The following MYL4 variants were observed in gnomAD, a reference collection of about 807,000 sequenced individuals.
MYL4 encodes myosin light chain 4, also known as atrial myosin light chain 1.
In MYL4, 16 loss-of-function variants were observed where a neutral mutation model predicts 21.6. The observed-to-expected ratio is 0.74, with a 90% CI of 0.50 to 1.12. The LOEUF (loss-of-function observed/expected upper bound fraction) is 1.12, where lower values mean the gene tolerates loss of function less well. Among genes scored for constraint, MYL4 ranks in the 50% most tolerant of loss-of-function variants. The pLI, the probability that MYL4 is intolerant of heterozygous loss-of-function variation, is 0.00. For missense variants in MYL4, 249 were observed against 252.9 expected (o/e 0.98, Z 0.11); for synonymous variants, 82 against 95.7 (o/e 0.86, Z 0.83).
intron 2 of MYL4, among the ~76,000 whole-genome samples, chr17:47,217,537 G>A (rs940497606): frequency 6.6e-6 from 1 of 152,032 alleles, no homozygotes; most frequent in African/African-American, 2.4e-5. Flanking sequence ...GGAAACCAAA[G>A]TTCAGCAAAG....
upstream of MYL4, among the ~76,000 whole-genome samples, chr17:47,199,334 A>C (rs116541230): frequency 3.5e-3 from 532 of 151,976 alleles, 2 homozygotes; most frequent in African/African-American, 0.012. Context: ...AAAACAAATA[A>C]ACAAACAAGG....
chr17:47,203,685 T>A (rs1210131626), intron 1 of MYL4, among the ~76,000 whole-genome samples: 3 of 152,202 alleles, frequency 2.0e-5, no homozygotes, highest in Admixed American at 2.0e-4. Flanking sequence ...TGTAATCAAG[T>A]AAGTTGTATC....
upstream of MYL4, among the ~76,000 whole-genome samples, chr17:47,195,853 A>G (rs1052082289): frequency 1.3e-5 from 2 of 152,142 alleles, no homozygotes; most frequent in Non-Finnish European, 2.9e-5. Flanking sequence ...GTAATTAATT[A>G]TCTGTTTAAT....
At chr17:47,208,438 AAAACAAAC>A (rs200665480), upstream of MYL4, among the ~76,000 whole-genome samples, 4 of 152,084 alleles carry the variant, frequency 2.6e-5, no homozygotes, top group East Asian at 1.9e-4. Context: ...TGTTTCTGTT[AAAACAAAC>A]AAACAAACAA....
chr17:47,223,984 G>A (rs1281756543), downstream of MYL4, among the ~76,000 whole-genome samples: 1 of 151,966 alleles, frequency 6.6e-6, no homozygotes, highest in Admixed American at 6.5e-5. Context: ...AGGCAGAGAG[G>A]GGCCAGGCTG....
At chr17:47,207,592 T>TAA (rs2064736373), upstream of MYL4, among the ~76,000 whole-genome samples, 1 of 152,202 alleles carries the variant, frequency 6.6e-6, no homozygotes, top group African/African-American at 2.4e-5. Context: ...AATCTTGCTT[T>TAA]ACAGGTGAGG....
rs2064865242 is a variant in MYL4, at chr17:47,222,599, C to T, written c.565+142C>T. The T allele has an allele frequency of 4.7e-5, 33 of 707,524 alleles. No individual in the cohort carries two copies. The South Asian group carries it at 5.8e-4, about 12-fold the overall frequency. The allele number at this position is 707,524 out of a possible 1,614,324, so 43.8% of individuals were successfully genotyped here. A position where few individuals can be genotyped will look rare whatever the true frequency, so the allele number is the denominator to read the frequency against. On this transcript the variant is annotated intron_variant, in intron 5 of 6. Coordinates refer to ENST00000393450, the MANE Select transcript of MYL4 (RefSeq NM_002476.2). ...CCCATTGGATGTTGTTCTGTTCCAT[C>T]TTGTGAGTGAACCTCCTAGTGTAAT...
chr17:47,209,259 A>T, upstream of MYL4: 1 of 860,042 alleles, frequency 1.2e-6, no homozygotes, highest in Non-Finnish European at 1.8e-6. Context: ...TTCCTTTTAT[A>T]GTCAGCAGCA....
At chr17:47,199,844 TC>T (rs2064703399), upstream of MYL4, among the ~76,000 whole-genome samples, 1 of 145,734 alleles carries the variant, frequency 6.9e-6, no homozygotes. Context: ...CAACCGATCC[TC>T]CCACCTCAGC....
At chr17:47,190,189 G>T in the MYL4 span, among the ~76,000 whole-genome samples, 8 of 152,128 alleles carry the variant, frequency 5.3e-5, no homozygotes, top group African/African-American at 1.9e-4. Context: ...GAAGAGTAGG[G>T]GGTCGGAAAT....
intron 1 of MYL4, among the ~76,000 whole-genome samples, chr17:47,211,854 T>C (rs1314447179): frequency 7.0e-6 from 1 of 141,898 alleles, no homozygotes; most frequent in East Asian, 2.3e-4. Flanking sequence ...CCACCACCAG[T>C]GGAGAGGGGA....
the MYL4 span, among the ~76,000 whole-genome samples, chr17:47,192,445 C>T: frequency 5.9e-5 from 9 of 151,660 alleles, no homozygotes; most frequent in East Asian, 5.8e-4. Flanking sequence ...GTCAGGAGAT[C>T]GAGACCATCC....
chr17:47,209,609 T>G (rs761980125), intron 1 of MYL4, 52 bp downstream of exon 1: 1 of 1,613,726 alleles, frequency 6.2e-7, no homozygotes, highest in Admixed American at 1.7e-5. Flanking sequence ...TTGAGAGTCC[T>G]TTTGCTCTGG....
intron 2 of MYL4, among the ~76,000 whole-genome samples, chr17:47,219,081 G>C (rs1283413797): frequency 6.6e-6 from 1 of 152,232 alleles, no homozygotes; most frequent in African/African-American, 2.4e-5. Flanking sequence ...AGGAAAATGA[G>C]GGCCCACAGG....
At chr17:47,215,858 A>G (rs979763939) in intron 2 of MYL4, among the ~76,000 whole-genome samples, 3 of 152,056 alleles carry the variant, frequency 2.0e-5, no homozygotes, top group Non-Finnish European at 4.4e-5. Context: ...TGGTGCTATC[A>G]TAGCTCACGA....
Position 47,219,950 on chromosome 17 carries a change from G to T in MYL4, c.210G>T (p.Glu70Asp), listed in dbSNP as rs868718115. Residue 70 changes from glutamate to aspartate, a missense_variant, in exon 3 of 7, where the codon GAG becomes GAT. Transcript: ENST00000393450. ...FSLFDRTPTGEMKITYGQCGD... is the reference protein window; with the variant it reads ...FSLFDRTPTGDMKITYGQCGD... ...TGTTTGACCGGACCCCGACTGGAGA[G>T]ATGAAGATCACCTACGGCCAGTGCG... is the stretch of plus-strand genomic sequence containing the variant. 2 of 1,614,238 alleles carry T rather than the reference G, an allele frequency of 1.2e-6. No individual in the cohort carries two copies. Among genetic ancestry groups the T allele is most frequent in the Non-Finnish European group, 1.7e-6 (2 of 1,180,050 alleles).
chr17:47,196,438 T>G (rs550947798), upstream of MYL4, among the ~76,000 whole-genome samples: 1 of 152,318 alleles, frequency 6.6e-6, no homozygotes, highest in Non-Finnish European at 1.5e-5. Flanking sequence ...AATTGATTAT[T>G]CTGTTTATGT....
At chr17:47,190,327 T>C in the MYL4 span, among the ~76,000 whole-genome samples, 1 of 152,244 alleles carries the variant, frequency 6.6e-6, no homozygotes, top group Non-Finnish European at 1.5e-5. Flanking sequence ...GTATTATAAA[T>C]GTGGCCGTGT....
At chr17:47,198,310 G>A (rs2064697032), upstream of MYL4, among the ~76,000 whole-genome samples, 1 of 152,116 alleles carries the variant, frequency 6.6e-6, no homozygotes. Flanking sequence ...TGCTTACTGA[G>A]TACAGACTTA....
Sources: gnomAD v4.1 joint callset for allele counts (sites outside exome capture counted in the v4.1 genomes callset) on GRCh38, gnomAD v4.1.1 for gene constraint, MANE v1.5 for transcripts, NCBI Gene and HGNC (gene_info 2026-07-23, HGNC 2026-07-21) for gene names.